FERRY3: variants seen among roughly 807,000 people sequenced by gnomAD.
FERRY3 encodes protein C12orf4.
chr12:4,492,381 C>T, the FERRY3 span, among the ~76,000 whole-genome samples: 107 of 152,114 alleles, frequency 7.0e-4, no homozygotes, highest in Non-Finnish European at 1.0e-3. Context: ...TCACTGGACA[C>T]CCGTGCAAGA....
chr12:4,537,289 C>G, the FERRY3 span, among the ~76,000 whole-genome samples: 1 of 152,152 alleles, frequency 6.6e-6, no homozygotes, highest in Non-Finnish European at 1.5e-5. Flanking sequence ...AAGACTTATC[C>G]AACTCCCTAA....
the FERRY3 span, among the ~76,000 whole-genome samples, chr12:4,521,054 TAAAAAA>T: frequency 6.6e-6 from 1 of 151,660 alleles, no homozygotes; most frequent in African/African-American, 2.4e-5. Flanking sequence ...AGTAATCAGT[TAAAAAA>T]AAGAAAAGAA....
At chr12:4,509,879 T>C in the FERRY3 span, among the ~76,000 whole-genome samples, 1,359 of 122,762 alleles carry the variant, frequency 0.011, 36 homozygotes, top group African/African-American at 0.037. Flanking sequence ...TCACCAGCAA[T>C]GGAACAAAGC....
the FERRY3 span, chr12:4,525,386 C>T: frequency 6.2e-7 from 1 of 1,611,900 alleles, no homozygotes; most frequent in Non-Finnish European, 8.5e-7. Flanking sequence ...CTAAAAGAAA[C>T]AGTATACCAA....
At chr12:4,511,623 C>G in the FERRY3 span, among the ~76,000 whole-genome samples, 5 of 150,686 alleles carry the variant, frequency 3.3e-5, no homozygotes. Flanking sequence ...ACTGAACAAC[C>G]TGCTCCTGAA....
At chr12:4,535,960 T>C in the FERRY3 span, 1 of 1,364,864 alleles carries the variant, frequency 7.3e-7, no homozygotes, top group Non-Finnish European at 9.7e-7. The surrounding 1 kb of genome is among the most constrained non-coding windows in gnomAD (Gnocchi z 4.0). Flanking sequence ...AAACTTCCAA[T>C]GACAGACTAT....
chr12:4,525,435 AC>A, the FERRY3 span: 3 of 1,601,204 alleles, frequency 1.9e-6, no homozygotes, highest in Non-Finnish European at 2.6e-6. Context: ...AAACAAAAAA[AC>A]AAAAGAAAAT....
the FERRY3 span, among the ~76,000 whole-genome samples, chr12:4,510,585 A>G: frequency 3.3e-5 from 5 of 150,972 alleles, no homozygotes; most frequent in Admixed American, 6.6e-5. Context: ...AGTGGGGGCC[A>G]ATATTCAACA....
At chr12:4,536,738 C>T in the FERRY3 span, among the ~76,000 whole-genome samples, 101 of 152,166 alleles carry the variant, frequency 6.6e-4, no homozygotes, top group African/African-American at 2.4e-3. Context: ...GAGTACAGGA[C>T]CTCCACTTCC....
chr12:4,526,305 C>T, the FERRY3 span, among the ~76,000 whole-genome samples: 11 of 152,068 alleles, frequency 7.2e-5, no homozygotes, highest in Admixed American at 2.0e-4. Context: ...GTTACATGGT[C>T]GTGCTTAATT....
At chr12:4,501,347 A>C in the FERRY3 span, among the ~76,000 whole-genome samples, 1 of 152,190 alleles carries the variant, frequency 6.6e-6, no homozygotes, top group Non-Finnish European at 1.5e-5. Context: ...TCCCCTACTT[A>C]AAATCCCTAC....
At chr12:4,488,822 G>C in the FERRY3 span, 2 of 152,136 alleles carry the variant, frequency 1.3e-5, no homozygotes, top group Non-Finnish European at 2.9e-5. This position sits in a 1 kb window ranked among gnomAD's most constrained non-coding sequence, Gnocchi z 4.9. Context: ...AAATGCCTTT[G>C]TTTAATGGAG....
At chr12:4,538,146 C>CT in the FERRY3 span, among the ~76,000 whole-genome samples, 4 of 152,140 alleles carry the variant, frequency 2.6e-5, no homozygotes, top group Non-Finnish European at 5.9e-5. Context: ...TCCTCTCGCT[C>CT]TTTTTTTAGA....
the FERRY3 span, among the ~76,000 whole-genome samples, chr12:4,538,127 A>G: frequency 6.6e-6 from 1 of 151,992 alleles, no homozygotes; most frequent in Non-Finnish European, 1.5e-5. Flanking sequence ...TGATAACTTT[A>G]GTTCTTTCTC....
chr12:4,512,423 C>T, the FERRY3 span, among the ~76,000 whole-genome samples: 3 of 152,260 alleles, frequency 2.0e-5, no homozygotes, highest in Admixed American at 6.5e-5. Flanking sequence ...CAAAGCCAGG[C>T]AGAGACACAA....
chr12:4,490,506 T>G, the FERRY3 span: 1 of 1,575,404 alleles, frequency 6.3e-7, no homozygotes, highest in South Asian at 1.1e-5. Flanking sequence ...GGGTGAGATC[T>G]ATTCAGATAA....
chr12:4,530,727 G>C, the FERRY3 span, among the ~76,000 whole-genome samples: 1 of 152,036 alleles, frequency 6.6e-6, no homozygotes, highest in African/African-American at 2.4e-5. Flanking sequence ...ATGATGAAGG[G>C]ACTGAGTAAA....
chr12:4,500,159 C>A, the FERRY3 span: 2 of 1,613,700 alleles, frequency 1.2e-6, no homozygotes. Flanking sequence ...CATGTACCAG[C>A]AAGAGAGGAA....
chr12:4,500,086 A>G, the FERRY3 span: 1 of 1,519,718 alleles, frequency 6.6e-7, no homozygotes, highest in Non-Finnish European at 9.1e-7. Context: ...GGGTTAAATC[A>G]ATATTATGAT....
Sources: allele counts gnomAD v4.1 joint callset (sites outside exome capture counted in the v4.1 genomes callset), GRCh38; gene constraint gnomAD v4.1.1; non-coding constraint Gnocchi (gnomAD v3.1); transcripts MANE v1.5; gene names NCBI Gene and HGNC (gene_info 2026-07-23, HGNC 2026-07-21).